SYCP1: variants seen among roughly 807,000 people sequenced by gnomAD.
SYCP1 encodes the protein synaptonemal complex protein 1, also known as cancer/testis antigen 8.
Under a neutral mutation model 153.1 loss-of-function variants are expected in SYCP1, and 64 were observed. The observed-to-expected ratio is 0.42, with a 90% confidence interval of 0.34 to 0.51. The LOEUF is 0.51. Ranked by LOEUF, SYCP1 falls within the 20% of genes least tolerant of loss-of-function variation. The probability of loss-of-function intolerance (pLI) is 0.06; values close to 1 mark genes in which losing one functional copy is unlikely to be tolerated. For synonymous variants in SYCP1, 384 were observed against 341.8 expected (o/e 1.12, Z -1.36); for missense variants, 997 against 1,049.0 (o/e 0.95, Z 0.68).
At chr1:114,872,502 G>T (rs1357859050) in intron 8 of SYCP1, among the ~76,000 whole-genome samples, 2 of 152,044 alleles carry the variant, frequency 1.3e-5, no homozygotes, top group Admixed American at 1.3e-4. Flanking sequence ...ATATGCATAG[G>T]TGTAGTGTCT....
intron 27 of SYCP1, among the ~76,000 whole-genome samples, chr1:114,963,618 G>A (rs1037609366): frequency 5.3e-5 from 8 of 152,214 alleles, no homozygotes; most frequent in African/African-American, 1.9e-4. Flanking sequence ...GTGAGAACAT[G>A]TGGTGTTTGG....
At chr1:114,937,777 C>G (rs1188382099) in intron 23 of SYCP1, among the ~76,000 whole-genome samples, 2 of 152,158 alleles carry the variant, frequency 1.3e-5, no homozygotes, top group Non-Finnish European at 2.9e-5. Context: ...ATTTATGCAG[C>G]CAACAGACAC....
intron 30 of SYCP1, among the ~76,000 whole-genome samples, chr1:114,989,778 A>G (rs2101980963): frequency 6.6e-6 from 1 of 152,124 alleles, no homozygotes; most frequent in Admixed American, 6.6e-5. Flanking sequence ...CATTAATAAT[A>G]AAAAGTTTAA....
intron 27 of SYCP1, among the ~76,000 whole-genome samples, chr1:114,973,962 A>C (rs979632720): frequency 1.3e-5 from 2 of 151,886 alleles, no homozygotes; most frequent in African/African-American, 2.4e-5. Flanking sequence ...GTTGTATAAA[A>C]GTTTATACTA....
intron 8 of SYCP1, among the ~76,000 whole-genome samples, chr1:114,861,305 T>A (rs1183802399): frequency 6.6e-6 from 1 of 152,178 alleles, no homozygotes; most frequent in Non-Finnish European, 1.5e-5. Context: ...AGTTTAAAAA[T>A]TTTAAAGCAT....
intron 23 of SYCP1, among the ~76,000 whole-genome samples, chr1:114,935,507 A>C (rs1237014012): frequency 6.6e-6 from 1 of 152,214 alleles, no homozygotes; most frequent in East Asian, 1.9e-4. Flanking sequence ...CTAGAGAAGC[A>C]AGAGCAAACA....
chr1:114,919,944 A>G (rs961202245), intron 20 of SYCP1, among the ~76,000 whole-genome samples: 1 of 151,734 alleles, frequency 6.6e-6, no homozygotes, highest in African/African-American at 2.4e-5. Flanking sequence ...TTTTCAAAAA[A>G]CCAACTTTTT....
At chr1:114,911,726 G>C in intron 18 of SYCP1, 144 bp downstream of exon 18, 1 of 356,502 alleles carries the variant, frequency 2.8e-6, no homozygotes, top group Non-Finnish European at 4.6e-6. Flanking sequence ...TAAATAATGT[G>C]CTAATTTCAT....
At chr1:114,897,761 G>T (rs973782952) in intron 16 of SYCP1, among the ~76,000 whole-genome samples, 1 of 152,158 alleles carries the variant, frequency 6.6e-6, no homozygotes, top group African/African-American at 2.4e-5. Context: ...TCTAGAAAAA[G>T]GAGAGCAGGC....
intron 11 of SYCP1, chr1:114,877,014 T>C (rs1570680857): frequency 4.1e-6 from 1 of 245,710 alleles, no homozygotes; most frequent in East Asian, 7.9e-5. Flanking sequence ...TTTTTTTGGG[T>C]TTTAATCAAT....
intron 5 of SYCP1, among the ~76,000 whole-genome samples, chr1:114,857,971 A>C (rs1013421240): frequency 6.6e-6 from 1 of 152,040 alleles, no homozygotes; most frequent in Non-Finnish European, 1.5e-5. Context: ...ACAGAATTTA[A>C]AATATATAGA....
intron 20 of SYCP1, among the ~76,000 whole-genome samples, chr1:114,915,000 G>T (rs1169295719): frequency 6.6e-6 from 1 of 151,312 alleles, no homozygotes; most frequent in African/African-American, 2.4e-5. Flanking sequence ...GGGCTTTGCA[G>T]TTAATCAGAA....
chr1:114,877,643 G>A (rs1665631346), intron 11 of SYCP1, among the ~76,000 whole-genome samples: 1 of 152,166 alleles, frequency 6.6e-6, no homozygotes, highest in Non-Finnish European at 1.5e-5. Context: ...TAAAATGATG[G>A]CATGGCCAGC....
Position 114,867,497 on chromosome 1 carries a change from CA to C in SYCP1, c.598+6689del, listed in dbSNP as rs574464067. On this transcript the variant is annotated intron_variant, in intron 8 of 31. Transcript: ENST00000369522. ...TTGTTAGATTTGTACCTAAGTATTTCATTTTTTTTGTATACTAATGTAAATG... is the reference window on the plus strand; with the variant it reads ...TTGTTAGATTTGTACCTAAGTATTTCTTTTTTTTGTATACTAATGTAAATG... Among the ~76,000 whole-genome samples, 39 of 152,088 alleles carry C rather than the reference CA, an allele frequency of 2.6e-4. No homozygotes were observed. In the East Asian group the frequency reaches 6.6e-3, roughly 26 times the overall value.
At chr1:114,926,586 T>C (rs1328940283) in intron 23 of SYCP1, 23 bp downstream of exon 23, 1 of 1,564,654 alleles carries the variant, frequency 6.4e-7, no homozygotes, top group South Asian at 1.2e-5. Context: ...TTTATTTTTG[T>C]TTTTTAAATA....
rs899983290 is a variant in SYCP1, at chr1:114,887,713, G to A, written c.1258+20G>A. On this transcript the variant is annotated intron_variant, in intron 15 of 31. Coordinates refer to ENST00000369522, the MANE Select transcript of SYCP1 (RefSeq NM_003176.4). ...AGCTGGGTAAGACTTAGAGAATAAT[G>A]TGTGTACTTTAATAATATTAACTTA... is the stretch of plus-strand genomic sequence containing the variant. The A allele has an allele frequency of 1.4e-6, 2 of 1,431,018 alleles. No homozygotes were observed. Among genetic ancestry groups the A allele is most frequent in the Middle Eastern group, 1.8e-4 (1 of 5,488 alleles). The allele number at this position is 1,431,018 out of a possible 1,614,324, so 88.6% of individuals were successfully genotyped here. A position where few individuals can be genotyped will look rare whatever the true frequency, so the allele number is the denominator to read the frequency against.
chr1:114,906,974 C>T (rs987706167), intron 16 of SYCP1, among the ~76,000 whole-genome samples: 28 of 152,206 alleles, frequency 1.8e-4, no homozygotes, highest in African/African-American at 6.7e-4. Flanking sequence ...CTATTTAATT[C>T]TATCAGTGAT....
chr1:114,972,275 C>T (rs538664186), intron 27 of SYCP1, among the ~76,000 whole-genome samples: 1 of 150,178 alleles, frequency 6.7e-6, no homozygotes, highest in Admixed American at 6.7e-5. Flanking sequence ...CCTTTTCCTT[C>T]TCTCATTTTA....
In SYCP1 at chr1:114,855,449, A is replaced by C; in HGVS notation, c.-16A>C. 1 of 1,603,950 alleles carries C rather than the reference A, an allele frequency of 6.2e-7. No individual in the cohort carries two copies. Among genetic ancestry groups the C allele is most frequent in the Non-Finnish European group, 8.5e-7 (1 of 1,174,284 alleles). On this transcript the variant is annotated 5_prime_UTR_variant, in exon 2 of 32. Transcript: ENST00000369522. ...CCCCCCCGGGGCAGTAGATATTTAC[A>C]ACCGTAACAGAGAAAATGGAAAAGC...
Sources: allele counts gnomAD v4.1 joint callset (sites outside exome capture counted in the v4.1 genomes callset), GRCh38; gene constraint gnomAD v4.1.1; transcripts MANE v1.5; gene names NCBI Gene and HGNC (gene_info 2026-07-23, HGNC 2026-07-21).